The following ZHX2 variants were observed in gnomAD, a reference collection of about 807,000 sequenced individuals.
The protein encoded by ZHX2 is zinc fingers and homeoboxes protein 2.
In ZHX2, 6 loss-of-function variants were observed where a neutral mutation model predicts 21.9. The observed-to-expected ratio is 0.27, with a 90% CI of 0.15 to 0.54. The LOEUF (loss-of-function observed/expected upper bound fraction) is 0.54, where lower values mean the gene tolerates loss of function less well. Ranked by LOEUF, ZHX2 falls within the 20% of genes least tolerant of loss-of-function variation. The pLI, the probability that ZHX2 is intolerant of heterozygous loss-of-function variation, is 0.95. For synonymous variants in ZHX2, 434 were observed against 437.1 expected, an observed-to-expected ratio of 0.99 and a Z score of 0.09; for missense variants, 908 against 1,090.7, an observed-to-expected ratio of 0.83 and a Z score of 2.36.
chr8:122,839,437 C>T (rs887191427), intron 1 of ZHX2, among the ~76,000 whole-genome samples: 3 of 152,178 alleles, frequency 2.0e-5, no homozygotes, highest in African/African-American at 7.2e-5. Flanking sequence ...CTGCCCGGCT[C>T]GTATCCTCAG....
chr8:122,823,207 C>T (rs1818192874), intron 1 of ZHX2, among the ~76,000 whole-genome samples: 1 of 152,158 alleles, frequency 6.6e-6, no homozygotes, highest in Non-Finnish European at 1.5e-5. Flanking sequence ...AATTGGGGAC[C>T]TTGATCATTG....
intron 1 of ZHX2, among the ~76,000 whole-genome samples, chr8:122,827,207 G>A (rs965251082): frequency 1.3e-5 from 2 of 151,900 alleles, no homozygotes; most frequent in African/African-American, 4.8e-5. Flanking sequence ...TTATTTGTTT[G>A]TTTTCTCCCC....
At chr8:122,868,801 C>T (rs2129673413) in intron 2 of ZHX2, among the ~76,000 whole-genome samples, 1 of 151,900 alleles carries the variant, frequency 6.6e-6, no homozygotes, top group Middle Eastern at 3.5e-3. Flanking sequence ...TCAAGGTTGC[C>T]CTGAGCTACG....
intron 1 of ZHX2, among the ~76,000 whole-genome samples, chr8:122,835,503 C>T (rs962230570): frequency 6.6e-6 from 1 of 151,916 alleles, no homozygotes. Context: ...GAGTAGGGGA[C>T]GGTGTAGGAA....
intron 2 of ZHX2, among the ~76,000 whole-genome samples, chr8:122,907,113 T>C (rs1820368079): frequency 6.6e-6 from 1 of 152,230 alleles, no homozygotes; most frequent in Middle Eastern, 3.2e-3. Context: ...CTTAGTTTCC[T>C]CATGTGAACC....
intron 1 of ZHX2, among the ~76,000 whole-genome samples, chr8:122,821,425 T>C (rs1317817815): frequency 1.3e-5 from 2 of 152,170 alleles, no homozygotes; most frequent in Non-Finnish European, 2.9e-5. Context: ...GGGCTTTGGC[T>C]TCCATAGCAA....
chr8:122,828,997 A>G lies in ZHX2; in HGVS notation c.-282-34480A>G, dbSNP rs1818316866. 6.6e-6 allele frequency among the ~76,000 whole-genome samples: 1 copy of G among 152,230 alleles called. No homozygotes were observed. The highest frequency in any genetic ancestry group is 1.9e-4 in the East Asian group (1 of 5,204). On this transcript the variant is annotated intron_variant, in intron 1 of 3. Transcript: ENST00000314393. This position sits in a 1 kb window ranked among gnomAD's most constrained non-coding sequence, Gnocchi z 5.2. ...AAAAGAAAACATTTACTTAACTCTG[A>G]GCCATTTATTAAATAGAATATTATA...
Position 122,799,251 on chromosome 8 carries a change from C to A in ZHX2, c.-283+17305C>A, listed in dbSNP as rs75964306. ...GAGTCAGCCAAGCCTCATCTCCCCA[C>A]GCAGCTGCAAGGTTTGAGGGAAGTG... On this transcript the variant is annotated intron_variant, in intron 1 of 3. Coordinates refer to ENST00000314393, the MANE Select transcript of ZHX2 (RefSeq NM_014943.5). 1.1e-4 allele frequency among the ~76,000 whole-genome samples: 17 copies of A among 152,192 alleles called. No individual in the cohort carries two copies. The East Asian group carries it at 3.1e-3, about 28-fold the overall frequency.
At chr8:122,899,191 A>C (rs987583798) in intron 2 of ZHX2, among the ~76,000 whole-genome samples, 1 of 151,684 alleles carries the variant, frequency 6.6e-6, no homozygotes, top group Non-Finnish European at 1.5e-5. Context: ...TGCATTTTCT[A>C]TTTTTTTTCT....
At chr8:122,851,954 C>T (rs937755137) in intron 1 of ZHX2, among the ~76,000 whole-genome samples, 2 of 152,230 alleles carry the variant, frequency 1.3e-5, no homozygotes, top group Non-Finnish European at 2.9e-5. Context: ...GGACAGCGGC[C>T]GTGCTTGCAA....
Position 122,885,156 on chromosome 8 carries a change from G to C in ZHX2, c.-220+21617G>C, listed in dbSNP as rs538169003. ...CAGGAGCTGCTGATGAGTAAACCAG[G>C]TCGACTGGAAGAGCCAGTTGTGGCC... On this transcript the variant is annotated intron_variant, in intron 2 of 3. Coordinates refer to ENST00000314393, the MANE Select transcript of ZHX2 (RefSeq NM_014943.5). Among the ~76,000 whole-genome samples the C allele has an allele frequency of 2.0e-5, 3 of 152,322 alleles. No individual in the cohort carries two copies. The East Asian group carries it at 5.8e-4, about 29-fold the overall frequency.
chr8:122,948,938 G>A (rs554933702), intron 2 of ZHX2, among the ~76,000 whole-genome samples: 1 of 152,140 alleles, frequency 6.6e-6, no homozygotes, highest in South Asian at 2.1e-4. Context: ...AATGAAAGAG[G>A]CTACAAGAGA....
chr8:122,819,624 GCCCGCATGAAATTGGAGGGGGTGT>G (rs1231594884), intron 1 of ZHX2, among the ~76,000 whole-genome samples: 3 of 152,196 alleles, frequency 2.0e-5, no homozygotes, highest in Non-Finnish European at 4.4e-5. Context: ...AAGTAGAATT[GCCCGCATGAAATTGGAGGGGGTGT>G]CCTGCTCCAT....
At chr8:122,920,510 C>G (rs1327675325) in intron 2 of ZHX2, among the ~76,000 whole-genome samples, 1 of 152,042 alleles carries the variant, frequency 6.6e-6, no homozygotes, top group Non-Finnish European at 1.5e-5. Flanking sequence ...TTCTATCACC[C>G]CAAAAACTCA....
intron 2 of ZHX2, among the ~76,000 whole-genome samples, chr8:122,890,848 A>G (rs1819958395): frequency 6.6e-6 from 1 of 152,094 alleles, no homozygotes; most frequent in Non-Finnish European, 1.5e-5. Context: ...CATTTCTAAG[A>G]GTTTTTTAGT....
intron 2 of ZHX2, among the ~76,000 whole-genome samples, chr8:122,864,277 A>G (rs2130780247): frequency 6.7e-6 from 1 of 150,036 alleles, no homozygotes; most frequent in South Asian, 2.1e-4. Context: ...TCGTGCCTGC[A>G]AATGCTCAGC....
chr8:122,799,097 C>A (rs1461127380), intron 1 of ZHX2, among the ~76,000 whole-genome samples: 2 of 152,228 alleles, frequency 1.3e-5, no homozygotes, highest in Non-Finnish European at 2.9e-5. Flanking sequence ...GTGACACAAA[C>A]AGCACTGCCC....
chr8:122,952,636 CTGGT>C lies in ZHX2; in HGVS notation c.1127_1130del (p.Leu376ArgfsTer2). ...GTGCCAGATCCTCGGCCAGACTAGC[CTGGT>C]GCTGACTCAGGTGACCAGCGGGTCA... On this transcript the variant is annotated frameshift_variant, in exon 3 of 4. Coordinates refer to ENST00000314393, the MANE Select transcript of ZHX2 (RefSeq NM_014943.5). LOFTEE classifies it low-confidence loss of function (END_TRUNC). This position sits in a 1 kb window ranked among gnomAD's most constrained non-coding sequence, Gnocchi z 6.9. 6.2e-7 allele frequency: 1 copy of C among 1,614,192 alleles called. No individual in the cohort carries two copies. Among genetic ancestry groups the C allele is most frequent in the Non-Finnish European group, 8.5e-7 (1 of 1,180,036 alleles).
intron 3 of ZHX2, among the ~76,000 whole-genome samples, chr8:122,961,052 C>A (rs558775792): frequency 6.6e-6 from 1 of 152,326 alleles, no homozygotes; most frequent in South Asian, 2.1e-4. Context: ...GCTAAGGCTG[C>A]CAGAACAGAA....
Sources: allele counts gnomAD v4.1 joint callset (sites outside exome capture counted in the v4.1 genomes callset), GRCh38; gene constraint gnomAD v4.1.1; non-coding constraint Gnocchi (gnomAD v3.1); transcripts MANE v1.5; gene names NCBI Gene and HGNC (gene_info 2026-07-23, HGNC 2026-07-21).